The following PRRG1 variants were observed in gnomAD, a reference collection of about 807,000 sequenced individuals.
PRRG1 encodes the protein transmembrane gamma-carboxyglutamic acid protein 1.
A neutral mutation model predicts 11.8 loss-of-function variants in PRRG1; 5 were observed. The observed-to-expected ratio is 0.42, with a 90% CI of 0.22 to 0.89. The LOEUF is 0.89. Ranked by LOEUF, PRRG1 falls within the 40% of genes least tolerant of loss-of-function variation. The pLI, the probability that PRRG1 is intolerant of heterozygous loss-of-function variation, is 0.28. For missense variants in PRRG1, 155 were observed against 166.1 expected (o/e 0.93, Z 0.37); for synonymous variants, 66 against 60.4 (o/e 1.09, Z -0.43).
chrX:37,389,565 G>A (rs1931457561), intron 1 of PRRG1, among the ~76,000 whole-genome samples: 2 of 110,836 alleles, frequency 1.8e-5, no homozygotes, highest in Non-Finnish European at 3.8e-5. Context: ...GGAATAGGTA[G>A]AGGGGAGAGG....
intron 2 of PRRG1, among the ~76,000 whole-genome samples, chrX:37,418,890 C>T (rs1932578461): frequency 8.9e-6 from 1 of 111,805 alleles, no homozygotes; most frequent in African/African-American, 3.3e-5. Flanking sequence ...TGCAATGAGG[C>T]TTTGAAGTCT....
chrX:37,408,640 C>T (rs145056515), intron 2 of PRRG1, among the ~76,000 whole-genome samples: 74 of 111,651 alleles, frequency 6.6e-4, no homozygotes, highest in African/African-American at 2.3e-3. Context: ...TGGGCTTTCC[C>T]GCTAGACAAG....
At chrX:37,399,736 C>A (rs1556379628) in intron 1 of PRRG1, among the ~76,000 whole-genome samples, 1 of 105,571 alleles carries the variant, frequency 9.5e-6, no homozygotes, top group Non-Finnish European at 1.9e-5. Context: ...TCAGGAAACC[C>A]ATCTCACGTT....
intron 3 of PRRG1, chrX:37,440,869 T>C (rs1932963517): frequency 2.0e-6 from 1 of 507,120 alleles, no homozygotes; most frequent in South Asian, 2.6e-5. Flanking sequence ...GCCCAAGTGA[T>C]CCTCCCATCT....
At chrX:37,379,129 T>G (rs1931076033) in intron 1 of PRRG1, among the ~76,000 whole-genome samples, 1 of 100,941 alleles carries the variant, frequency 9.9e-6, no homozygotes, top group Non-Finnish European at 2.0e-5. Context: ...GGCAGGCAAG[T>G]CTTCATTTTT....
At chrX:37,451,556 T>C (rs956462258) in intron 3 of PRRG1, among the ~76,000 whole-genome samples, 6 of 112,170 alleles carry the variant, frequency 5.3e-5, no homozygotes, top group Non-Finnish European at 1.1e-4. Context: ...GAATGCTGTA[T>C]CTAGACTCTA....
chrX:37,375,140 A>T (rs946517693), intron 1 of PRRG1, among the ~76,000 whole-genome samples: 1 of 111,868 alleles, frequency 8.9e-6, no homozygotes, highest in Non-Finnish European at 1.9e-5. Flanking sequence ...ATTATACAGG[A>T]TCCCTATTGA....
At chrX:37,434,599 G>A (rs1000408888) in intron 3 of PRRG1, among the ~76,000 whole-genome samples, 3 of 111,681 alleles carry the variant, frequency 2.7e-5, no homozygotes, top group Admixed American at 9.5e-5. Context: ...ATTGATTTGC[G>A]CAAACATTTC....
intron 1 of PRRG1, among the ~76,000 whole-genome samples, chrX:37,393,564 TG>T (rs1184136467): frequency 1.8e-5 from 2 of 111,494 alleles, no homozygotes; most frequent in African/African-American, 3.3e-5. Context: ...GAAATCCAAA[TG>T]GTTTTCCAGC....
intron 1 of PRRG1, among the ~76,000 whole-genome samples, chrX:37,400,126 G>C (rs1290066800): frequency 1.8e-5 from 2 of 111,545 alleles, no homozygotes; most frequent in Non-Finnish European, 3.8e-5. Context: ...TCTGCACCAA[G>C]TGGGCCTAAT....
At chrX:37,452,009 T>C (rs1921159058) in intron 3 of PRRG1, among the ~76,000 whole-genome samples, 1 of 111,582 alleles carries the variant, frequency 9.0e-6, no homozygotes, top group South Asian at 3.8e-4. Context: ...TTCCAAGGGC[T>C]CCCTCCCTTG....
intron 2 of PRRG1, among the ~76,000 whole-genome samples, chrX:37,412,811 C>A (rs782280794): frequency 9.0e-6 from 1 of 110,614 alleles, no homozygotes; most frequent in South Asian, 3.9e-4. Flanking sequence ...AAGAAAATAA[C>A]CTTTGGCACA....
chrX:37,448,324 AGCAGTCAG>A (rs1920996980), intron 3 of PRRG1, among the ~76,000 whole-genome samples: 1 of 111,736 alleles, frequency 8.9e-6, no homozygotes, highest in Non-Finnish European at 1.9e-5. Context: ...CTGACCTGTG[AGCAGTCAG>A]AGGCTGAAGT....
intron 1 of PRRG1, among the ~76,000 whole-genome samples, chrX:37,377,061 T>C (rs1347440948): frequency 9.0e-6 from 1 of 111,325 alleles, no homozygotes; most frequent in Admixed American, 9.6e-5. Flanking sequence ...AGTGTGAACG[T>C]TTTGTTTATC....
At chrX:37,431,735 C>T (rs1458719311) in intron 3 of PRRG1, among the ~76,000 whole-genome samples, 1 of 111,387 alleles carries the variant, frequency 9.0e-6, no homozygotes, top group Non-Finnish European at 1.9e-5. Context: ...TAAGTTTTAT[C>T]ATTGATTCTC....
chrX:37,399,411 C>A (rs1205318597), intron 1 of PRRG1, among the ~76,000 whole-genome samples: 17 of 108,105 alleles, frequency 1.6e-4, no homozygotes, highest in Non-Finnish European at 2.7e-4. Context: ...AAATAAAATA[C>A]TTTACAGACA....
intron 1 of PRRG1, among the ~76,000 whole-genome samples, chrX:37,359,663 G>A (rs1930352638): frequency 9.0e-6 from 1 of 111,481 alleles, no homozygotes; most frequent in Admixed American, 9.5e-5. Flanking sequence ...TCATAGTATT[G>A]CCTTGGCTTC....
intron 2 of PRRG1, among the ~76,000 whole-genome samples, chrX:37,419,821 A>G (rs192917547): frequency 8.9e-6 from 1 of 111,880 alleles, no homozygotes; most frequent in African/African-American, 3.2e-5. Context: ...GTTCAGGACA[A>G]GCTACTACAG....
chrX:37,371,910 C>T (rs1214134331), intron 1 of PRRG1, among the ~76,000 whole-genome samples: 1 of 113,185 alleles, frequency 8.8e-6, no homozygotes, highest in Non-Finnish European at 1.9e-5. Flanking sequence ...GTGGAATGAG[C>T]TCAGCAGGCC....
Sources: allele counts gnomAD v4.1 joint callset (sites outside exome capture counted in the v4.1 genomes callset), GRCh38; gene constraint gnomAD v4.1.1; transcripts MANE v1.5; gene names NCBI Gene and HGNC (gene_info 2026-07-23, HGNC 2026-07-21).